Variants in COX7A2L observed in about 807,000 individuals in gnomAD.
COX7A2L encodes the protein cytochrome c oxidase subunit 7A2-like, mitochondrial.
In COX7A2L, 18 loss-of-function variants were observed where a neutral mutation model predicts 14.2. The ratio of observed to expected loss-of-function variants is 1.27; its 90% CI spans 0.88 to 1.88. The LOEUF is 1.88. Among genes scored for constraint, COX7A2L ranks in the 40% most tolerant of loss-of-function variants. The probability of loss-of-function intolerance (pLI) is 0.00; values close to 1 mark genes in which losing one functional copy is unlikely to be tolerated. For synonymous variants in COX7A2L, 65 were observed against 57.4 expected (o/e 1.13, Z -0.60); for missense variants, 179 against 138.8 (o/e 1.29, Z -1.46).
At chr2:42,340,541 G>A (rs902650683) in intron 2 of COX7A2L, among the ~76,000 whole-genome samples, 2 of 151,976 alleles carry the variant, frequency 1.3e-5, no homozygotes, top group African/African-American at 2.4e-5. Flanking sequence ...CCTGGCCCCA[G>A]GAATGTGCTC....
At chr2:42,336,503 C>G (rs1028815207) in intron 2 of COX7A2L, among the ~76,000 whole-genome samples, 1 of 152,130 alleles carries the variant, frequency 6.6e-6, no homozygotes, top group African/African-American at 2.4e-5. Context: ...TATGCAAAGC[C>G]TTCAGCCTGG....
downstream of COX7A2L, among the ~76,000 whole-genome samples, chr2:42,344,938 T>A (rs1386654118): frequency 1.3e-5 from 2 of 152,198 alleles, no homozygotes; most frequent in Non-Finnish European, 2.9e-5. Flanking sequence ...AATAAGGTAA[T>A]TTCAGCATCA....
chr2:42,344,327 C>T (rs1187323108), intron 2 of COX7A2L, among the ~76,000 whole-genome samples: 1 of 152,100 alleles, frequency 6.6e-6, no homozygotes, highest in Non-Finnish European at 1.5e-5. Context: ...TTTTCCATTC[C>T]ACTCCCATAC....
chr2:42,367,404 A>C (rs1351105294), intron 1 of COX7A2L, among the ~76,000 whole-genome samples: 1 of 152,218 alleles, frequency 6.6e-6, no homozygotes, highest in Non-Finnish European at 1.5e-5. Flanking sequence ...GTGATTCCAA[A>C]ATGGCTAACT....
chr2:42,351,342 G>A lies in COX7A2L; in HGVS notation c.222C>T (p.Pro74=), dbSNP rs373859176. 151 of 1,613,836 alleles carry A rather than the reference G, an allele frequency of 9.4e-5. No homozygotes were observed. The highest frequency in any genetic ancestry group is 1.2e-4 in the Non-Finnish European group (143 of 1,179,966). Residue 74 remains proline (P), a synonymous_variant, in exon 3 of 3, where the codon CCC becomes CCT. Coordinates refer to ENST00000234301, the MANE Select transcript of COX7A2L (RefSeq NM_004718.4). ...CAGGCAGGCCTCGTTTCAGGTAGAC[G>A]GGCACACCATCAGCTTTCTTGAAAG... is the stretch of plus-strand genomic sequence containing the variant. ...QKFFQKADGV[P]VYLKRGLPDQ...
chr2:42,336,004 C>A (rs145397010), intron 2 of COX7A2L, among the ~76,000 whole-genome samples: 200 of 152,344 alleles, frequency 1.3e-3, no homozygotes, highest in African/African-American at 4.7e-3. Flanking sequence ...ACCATGGGCA[C>A]AGAAGTCCTC....
chr2:42,335,908 A>C (rs983367199), intron 2 of COX7A2L, among the ~76,000 whole-genome samples: 16 of 152,242 alleles, frequency 1.1e-4, no homozygotes, highest in African/African-American at 3.9e-4. Context: ...CTATCCCTAC[A>C]ACCACAGCAT....
upstream of COX7A2L, among the ~76,000 whole-genome samples, chr2:42,365,077 C>G (rs779293952): frequency 9.2e-5 from 14 of 152,164 alleles, no homozygotes; most frequent in Non-Finnish European, 1.3e-4. Flanking sequence ...TTTAAATACA[C>G]TTAATTATGC....
downstream of COX7A2L, among the ~76,000 whole-genome samples, chr2:42,344,845 C>T (rs139218020): frequency 2.0e-3 from 292 of 149,462 alleles, 6 homozygotes; most frequent in East Asian, 0.052. Context: ...AGCAAGACTC[C>T]GCCTCAAAAA....
chr2:42,345,102 G>A (rs1670470068), downstream of COX7A2L, among the ~76,000 whole-genome samples: 1 of 152,046 alleles, frequency 6.6e-6, no homozygotes, highest in Non-Finnish European at 1.5e-5. Context: ...TTATTTTTAG[G>A]CCAGGTATGG....
intron 1 of COX7A2L, among the ~76,000 whole-genome samples, chr2:42,360,666 G>C (rs977827989): frequency 2.0e-5 from 3 of 151,936 alleles, no homozygotes; most frequent in African/African-American, 7.3e-5. Context: ...ATAGCCCCGC[G>C]CTCTCTAATC....
chr2:42,336,855 A>G (rs1162448341), intron 2 of COX7A2L, among the ~76,000 whole-genome samples: 1 of 152,174 alleles, frequency 6.6e-6, no homozygotes, highest in Non-Finnish European at 1.5e-5. Context: ...CAGGATCCAA[A>G]GGAGGCACCC....
intron 1 of COX7A2L, among the ~76,000 whole-genome samples, chr2:42,357,210 A>G (rs1420714361): frequency 6.6e-6 from 1 of 152,202 alleles, no homozygotes; most frequent in Non-Finnish European, 1.5e-5. Context: ...GAGGATCCCC[A>G]TAATTTTAAT....
Position 42,349,791 on chromosome 2 carries a change from T to C in COX7A2L, c.*1428A>G, listed in dbSNP as rs2103884152. 1 of 152,318 alleles carries C rather than the reference T, an allele frequency of 6.6e-6. No homozygotes were observed. Among genetic ancestry groups the C allele is most frequent in the East Asian group, 1.9e-4 (1 of 5,186 alleles). 9.4% of individuals were successfully genotyped at this position (152,318 alleles called of 1,614,324 possible). On this transcript the variant is annotated 3_prime_UTR_variant, in exon 3 of 3. Transcript: ENST00000234301. Reference sequence around the variant, plus strand: ...GGAACACATGTCCTTACTCAGAAGATACCTGCTAAAGTACTATGGCTGATT... The same window carrying C: ...GGAACACATGTCCTTACTCAGAAGACACCTGCTAAAGTACTATGGCTGATT...
At chr2:42,361,007 C>T (rs765619044) in intron 1 of COX7A2L, 83 bp downstream of exon 1, 2 of 1,481,056 alleles carry the variant, frequency 1.4e-6, no homozygotes, top group Non-Finnish European at 9.3e-7. Flanking sequence ...AGAAGCCTCC[C>T]CTGGCTCCAA....
upstream of COX7A2L, chr2:42,361,526 G>C (rs567069191): frequency 1.1e-5 from 2 of 185,822 alleles, no homozygotes; most frequent in African/African-American, 4.7e-5. Flanking sequence ...CGGCAGTGTC[G>C]GAGTCAGGTG....
At position 42,353,205 on chromosome 2, in the gene COX7A2L, C is replaced by A; in HGVS notation, c.204+7G>T. 6.2e-7 allele frequency: 1 copy of A among 1,613,708 alleles called. No homozygotes were observed. The highest frequency in any genetic ancestry group is 1.1e-5 in the South Asian group (1 of 90,914). On this transcript the variant is annotated splice_region_variant and intron_variant, in intron 2 of 2. Coordinates refer to ENST00000234301, the MANE Select transcript of COX7A2L (RefSeq NM_004718.4). ...AGGCTTTTCTGTTGTAGAGTATCTTCCCTCACCTGGAAAAACTTTTGTAGC... is the reference window on the plus strand; with the variant it reads ...AGGCTTTTCTGTTGTAGAGTATCTTACCTCACCTGGAAAAACTTTTGTAGC...
At chr2:42,361,308 G>A (rs1027190254), upstream of COX7A2L, 7 of 692,984 alleles carry the variant, frequency 1.0e-5, no homozygotes, top group Admixed American at 3.1e-5. Context: ...CTTAAAACCT[G>A]CACACTTAAG....
downstream of COX7A2L, among the ~76,000 whole-genome samples, chr2:42,345,760 C>T (rs1464134058): frequency 6.6e-6 from 1 of 152,182 alleles, no homozygotes; most frequent in African/African-American, 2.4e-5. Flanking sequence ...ATGAAGTCTT[C>T]ATACCCCCGG....
Sources: gnomAD v4.1 joint callset for allele counts (sites outside exome capture counted in the v4.1 genomes callset) on GRCh38, gnomAD v4.1.1 for gene constraint, MANE v1.5 for transcripts, NCBI Gene and HGNC (gene_info 2026-07-23, HGNC 2026-07-21) for gene names.